Variants in USP8 observed in about 807,000 individuals in gnomAD.
USP8 encodes the protein ubiquitin carboxyl-terminal hydrolase 8.
In USP8, 27 loss-of-function variants were observed where a neutral mutation model predicts 130.0. That is an observed-to-expected ratio of 0.21 (90% CI 0.15 to 0.29). The LOEUF is 0.29. USP8 is among the 10% of genes least tolerant of loss of function. USP8 has a pLI of 1.00. For missense variants in USP8, 1,029 were observed against 1,312.2 expected (o/e 0.78, Z 3.33); for synonymous variants, 392 against 444.1 (o/e 0.88, Z 1.48).
chr15:50,448,652 T>C (rs952274629), intron 3 of USP8, among the ~76,000 whole-genome samples: 12 of 151,578 alleles, frequency 7.9e-5, no homozygotes, highest in Non-Finnish European at 1.3e-4. Context: ...CCTGAGTAGC[T>C]GGGATTACAG....
intron 3 of USP8, among the ~76,000 whole-genome samples, chr15:50,447,677 C>G (rs1390498610): frequency 6.6e-6 from 1 of 152,052 alleles, no homozygotes; most frequent in Non-Finnish European, 1.5e-5. Flanking sequence ...ATTCTCCTGC[C>G]TCAGCCTCCC....
chr15:50,489,070 A>G (rs1047327452), intron 12 of USP8, among the ~76,000 whole-genome samples: 10 of 152,312 alleles, frequency 6.6e-5, no homozygotes, highest in African/African-American at 2.4e-4. Context: ...TGGGTGGTTC[A>G]TCAGGCGTTT....
chr15:50,510,758 A>G lies in USP8; in HGVS notation c.*11670A>G, dbSNP rs1392821158. 1.3e-5 allele frequency: 2 copies of G among 152,224 alleles called. No homozygotes were observed. The highest frequency in any genetic ancestry group is 6.5e-5 in the Admixed American group (1 of 15,280). The allele number at this position is 152,224 out of a possible 1,614,324, so 9.4% of individuals were successfully genotyped here. ...CTGAATCTAGCTGAAATGTACACCAATGTACACCAATGTTTTGTTTTTTGG... is the reference window on the plus strand; with the variant it reads ...CTGAATCTAGCTGAAATGTACACCAGTGTACACCAATGTTTTGTTTTTTGG... On this transcript the variant is annotated 3_prime_UTR_variant, in exon 20 of 20. Coordinates refer to ENST00000307179, the MANE Select transcript of USP8 (RefSeq NM_005154.5).
chr15:50,470,634 G>C (rs2051343359), intron 7 of USP8, among the ~76,000 whole-genome samples: 1 of 138,716 alleles, frequency 7.2e-6, no homozygotes, highest in African/African-American at 2.7e-5. Flanking sequence ...ACAGAGTCTT[G>C]CTTTGTCGCC....
At chr15:50,464,092 G>A (rs988726827) in intron 6 of USP8, among the ~76,000 whole-genome samples, 10 of 152,058 alleles carry the variant, frequency 6.6e-5, no homozygotes, top group Admixed American at 3.9e-4. Flanking sequence ...TTTTAGGCTT[G>A]GGGAACCTTA....
intron 3 of USP8, among the ~76,000 whole-genome samples, chr15:50,447,499 C>CCAATGTG (rs1422796258): frequency 6.6e-6 from 1 of 152,140 alleles, no homozygotes; most frequent in Non-Finnish European, 1.5e-5. Flanking sequence ...CCTCAGCCTC[C>CCAATGTG]CAATGTGCTG....
chr15:50,454,885 A>G (rs541790657), intron 4 of USP8, among the ~76,000 whole-genome samples: 2 of 151,874 alleles, frequency 1.3e-5, no homozygotes, highest in African/African-American at 4.8e-5. Context: ...GGCTCAAGCA[A>G]TCCCACCTCA....
intron 7 of USP8, among the ~76,000 whole-genome samples, chr15:50,469,830 A>C (rs1304392166): frequency 7.0e-6 from 1 of 142,598 alleles, no homozygotes; most frequent in African/African-American, 2.5e-5. Context: ...TATTAAATCC[A>C]ATTTTTTTTT....
intron 2 of USP8, among the ~76,000 whole-genome samples, chr15:50,441,001 CAAAA>C (rs34390770): frequency 1.5e-5 from 2 of 135,504 alleles, no homozygotes; most frequent in Non-Finnish European, 1.6e-5. Flanking sequence ...GACCCCATCT[CAAAA>C]AAAAAAAAAA....
At chr15:50,444,115 T>C (rs1442672356) in intron 3 of USP8, among the ~76,000 whole-genome samples, 2 of 149,566 alleles carry the variant, frequency 1.3e-5, no homozygotes, top group Non-Finnish European at 3.0e-5. Context: ...TTTTTTTTTT[T>C]TTTTTAAGGT....
chr15:50,479,263 A>G (rs766607839), intron 10 of USP8, among the ~76,000 whole-genome samples: 8 of 152,186 alleles, frequency 5.3e-5, no homozygotes, highest in Non-Finnish European at 8.8e-5. Context: ...ACAGTATTTT[A>G]TCTGGGCTTT....
chr15:50,430,076 C>A (rs948224418), intron 1 of USP8, among the ~76,000 whole-genome samples: 23 of 152,186 alleles, frequency 1.5e-4, no homozygotes, highest in Non-Finnish European at 1.5e-5. Context: ...CCGTTATGTA[C>A]TTAACTTTCA....
chr15:50,492,581 A>T (rs978910024), intron 14 of USP8, 120 bp from the exon 15 acceptor site: 15 of 924,810 alleles, frequency 1.6e-5, no homozygotes, highest in Non-Finnish European at 2.4e-5. Context: ...GAGTTAACAT[A>T]TTAACTGTTT....
intron 10 of USP8, among the ~76,000 whole-genome samples, chr15:50,478,886 C>T (rs967522351): frequency 3.3e-5 from 5 of 151,982 alleles, no homozygotes; most frequent in Non-Finnish European, 7.4e-5. Flanking sequence ...GAAACCCCAT[C>T]TCTACTGAAA....
chr15:50,449,456 TGAAA>T lies in USP8; in HGVS notation c.309_312del (p.Glu103AspfsTer8). The stretch of plus-strand genomic sequence containing the variant: ...ACATCAAAAAAGCTGTCGAAGAAGC[TGAAA>T]GACTCTCTGAAAGCCTTAAATTAAG... On this transcript the variant is annotated frameshift_variant, in exon 4 of 20. Transcript: ENST00000307179. LOFTEE classifies it high-confidence loss of function. 6.3e-7 allele frequency: 1 copy of T among 1,596,192 alleles called. No homozygotes were observed. Among genetic ancestry groups the T allele is most frequent in the Admixed American group, 1.7e-5 (1 of 58,874 alleles).
At chr15:50,458,193 C>T (rs2050858994) in intron 4 of USP8, among the ~76,000 whole-genome samples, 1 of 152,146 alleles carries the variant, frequency 6.6e-6, no homozygotes, top group African/African-American at 2.4e-5. Context: ...ACTCTGTTAC[C>T]TAGGCTGGAG....
intron 1 of USP8, among the ~76,000 whole-genome samples, chr15:50,434,101 G>GTTTTTTT: frequency 9.6e-6 from 1 of 103,814 alleles, no homozygotes; most frequent in Non-Finnish European, 2.2e-5. Context: ...TGAAGCATAA[G>GTTTTTTT]GTTTTTTGTT....
intron 14 of USP8, 51 bp from the exon 15 acceptor site, chr15:50,492,650 A>G (rs1295600435): frequency 1.3e-6 from 2 of 1,584,862 alleles, no homozygotes; most frequent in African/African-American, 1.4e-5. Flanking sequence ...TAGAACCTTA[A>G]TTTCATATGC....
chr15:50,460,512 T>C (rs2050955842), intron 5 of USP8, among the ~76,000 whole-genome samples: 1 of 151,936 alleles, frequency 6.6e-6, no homozygotes, highest in Non-Finnish European at 1.5e-5. Flanking sequence ...TTTCACCATA[T>C]TGGCCAGGCT....
Sources: gnomAD v4.1 joint callset for allele counts (sites outside exome capture counted in the v4.1 genomes callset) on GRCh38, gnomAD v4.1.1 for gene constraint, MANE v1.5 for transcripts, NCBI Gene and HGNC (gene_info 2026-07-23, HGNC 2026-07-21) for gene names.